GTF3C2: variants seen among roughly 807,000 people sequenced by gnomAD.
The protein encoded by GTF3C2 is general transcription factor IIIC subunit 2, also known as general transcription factor 3C polypeptide 2.
Under a neutral mutation model 117.4 loss-of-function variants are expected in GTF3C2, and 17 were observed. The observed-to-expected ratio is 0.14, with a 90% CI of 0.10 to 0.22. GTF3C2 has a LOEUF of 0.22. GTF3C2 is among the 10% of genes least tolerant of loss of function. The pLI is 1.00. For synonymous variants in GTF3C2, 437 were observed against 427.0 expected, an observed-to-expected ratio of 1.02 and a Z score of -0.29; for missense variants, 888 against 1,143.6, an observed-to-expected ratio of 0.78 and a Z score of 3.22.
At chr2:27,334,222 C>T (rs1680377050) in intron 10 of GTF3C2, among the ~76,000 whole-genome samples, 1 of 151,568 alleles carries the variant, frequency 6.6e-6, no homozygotes, top group African/African-American at 2.4e-5. Flanking sequence ...TTCCTTTAGA[C>T]CTCCTCTGTG....
chr2:27,337,908 C>A lies in GTF3C2; in HGVS notation c.950+18G>T. On this transcript the variant is annotated intron_variant, in intron 5 of 18. Transcript: ENST00000264720. The stretch of plus-strand genomic sequence containing the variant: ...ACCACCCCTTTATTAACCCCAGCCC[C>A]CTGTCCCCAAGTCTCACAAGTCCTT... 6.8e-7 allele frequency: 1 copy of A among 1,462,680 alleles called. No individual in the cohort carries two copies. Among genetic ancestry groups the A allele is most frequent in the Non-Finnish European group, 9.6e-7 (1 of 1,041,354 alleles). 90.6% of individuals were successfully genotyped at this position (1,462,680 alleles called of 1,614,324 possible).
chr2:27,337,606 G>T lies in GTF3C2; in HGVS notation c.951-48C>A, dbSNP rs1052381094. 3 of 1,240,880 alleles carry T rather than the reference G, an allele frequency of 2.4e-6. No homozygotes were observed. The African/African-American group carries it at 4.4e-5, about 18-fold the overall frequency. 76.9% of individuals were successfully genotyped at this position (1,240,880 alleles called of 1,614,324 possible). On this transcript the variant is annotated intron_variant, in intron 5 of 18. Coordinates refer to ENST00000264720, the Ensembl canonical transcript of GTF3C2. ...AATGAAGGAGAGGGATTCTACAGCC[G>T]CACAGTCCAATAAAACTTTCTGTGG...
intron 1 of GTF3C2, among the ~76,000 whole-genome samples, chr2:27,350,841 C>T (rs540914513): frequency 3.3e-5 from 5 of 150,624 alleles, no homozygotes; most frequent in East Asian, 3.9e-4. Context: ...CCCAGCTACT[C>T]GGGAGGCTGA....
chr2:27,348,034 G>T (rs532656773), intron 1 of GTF3C2, among the ~76,000 whole-genome samples: 16 of 152,286 alleles, frequency 1.1e-4, no homozygotes, highest in Non-Finnish European at 2.1e-4. Flanking sequence ...ACTTTAGGAG[G>T]CCCGGACGGG....
At chr2:27,354,758 T>C (rs1011740625) in intron 1 of GTF3C2, among the ~76,000 whole-genome samples, 1 of 151,964 alleles carries the variant, frequency 6.6e-6, no homozygotes, top group East Asian at 1.9e-4. Flanking sequence ...AAGATTCCGG[T>C]TTTTTTTAAA....
exon 19 of GTF3C2, chr2:27,326,844 C>T: frequency 6.2e-7 from 1 of 1,613,856 alleles, no homozygotes; most frequent in Non-Finnish European, 8.5e-7. Context: ...CCCTGACTGC[C>T]CCCCAGATAC....
chr2:27,329,051 C>G lies in GTF3C2; in HGVS notation c.2039+70G>C, dbSNP rs997703408. ...ACTCTCTACCCTCCTCTCCCCACAA[C>G]AATCTGGCATGCTTTGCATTCCAAC... On this transcript the variant is annotated intron_variant, in intron 14 of 18. Coordinates refer to ENST00000264720, the Ensembl canonical transcript of GTF3C2. This position sits in a 1 kb window ranked among gnomAD's most constrained non-coding sequence, Gnocchi z 4.5. 1 of 1,554,544 alleles carries G rather than the reference C, an allele frequency of 6.4e-7. No homozygotes were observed. Among genetic ancestry groups the G allele is most frequent in the Non-Finnish European group, 8.9e-7 (1 of 1,126,778 alleles).
chr2:27,334,940 A>G (rs925157681), intron 10 of GTF3C2, among the ~76,000 whole-genome samples: 4 of 152,170 alleles, frequency 2.6e-5, no homozygotes, highest in African/African-American at 9.7e-5. Context: ...CACCATGCCC[A>G]GCCCCACAGC....
intron 10 of GTF3C2, 125 bp downstream of exon 10, chr2:27,335,473 G>A (rs191669889): frequency 4.2e-6 from 3 of 714,934 alleles, no homozygotes; most frequent in Admixed American, 4.0e-5. Flanking sequence ...CAGGGTGTGT[G>A]TGTGGCTGAG....
intron 12 of GTF3C2, among the ~76,000 whole-genome samples, chr2:27,331,557 C>T (rs1016201599): frequency 5.3e-5 from 8 of 152,046 alleles, no homozygotes; most frequent in African/African-American, 1.9e-4. Context: ...GATCTCTTGA[C>T]CTGGTGATCT....
intron 1 of GTF3C2, among the ~76,000 whole-genome samples, chr2:27,354,180 G>A (rs1681242019): frequency 6.6e-6 from 1 of 152,068 alleles, no homozygotes; most frequent in Non-Finnish European, 1.5e-5. Flanking sequence ...CTATTCGAGA[G>A]GCTGAGGCAG....
chr2:27,346,330 CTTTTTTTTTTTTTTTTTTTTTT>C (rs144256545), intron 1 of GTF3C2, among the ~76,000 whole-genome samples: 1,190 of 64,350 alleles, frequency 0.018, 45 homozygotes, highest in African/African-American at 0.065. Flanking sequence ...ATTCTGATAC[CTTTTTTTTTTTTTTTTTTTTTT>C]TTTTTTTTTT....
At chr2:27,351,873 G>A (rs1018064521) in intron 1 of GTF3C2, among the ~76,000 whole-genome samples, 1 of 151,934 alleles carries the variant, frequency 6.6e-6, no homozygotes. Flanking sequence ...AGTCCCACAC[G>A]CCCCCCATCT....
At chr2:27,345,774 C>T (rs539065144) in intron 1 of GTF3C2, among the ~76,000 whole-genome samples, 40 of 146,218 alleles carry the variant, frequency 2.7e-4, no homozygotes, top group Non-Finnish European at 4.9e-4. Flanking sequence ...AGTGCAGTGG[C>T]GTGATGTCGG....
chr2:27,342,757 CCAA>C, intron 3 of GTF3C2, 66 bp downstream of exon 3: 7 of 1,200,134 alleles, frequency 5.8e-6, no homozygotes, highest in Non-Finnish European at 8.4e-6. Flanking sequence ...TCTTCTCTCT[CCAA>C]CATCTGCCCC....
At chr2:27,334,322 C>T (rs1443822391) in intron 10 of GTF3C2, among the ~76,000 whole-genome samples, 1 of 152,072 alleles carries the variant, frequency 6.6e-6, no homozygotes, top group Non-Finnish European at 1.5e-5. Context: ...CTTTTCATCA[C>T]CAAATTTATG....
intron 1 of GTF3C2, among the ~76,000 whole-genome samples, chr2:27,345,253 A>G (rs1680877126): frequency 6.6e-6 from 1 of 151,162 alleles, no homozygotes; most frequent in East Asian, 2.0e-4. Flanking sequence ...CTGGGCAACA[A>G]AGCAACACCG....
chr2:27,337,185 T>C, intron 7 of GTF3C2, 59 bp downstream of exon 7: 1 of 983,074 alleles, frequency 1.0e-6, no homozygotes, highest in Middle Eastern at 2.2e-4. Context: ...CTTTCAACAT[T>C]CATTTTTCTT....
At chr2:27,349,139 ATTTGATTTTTTTT>A (rs1337700425) in intron 1 of GTF3C2, among the ~76,000 whole-genome samples, 1 of 126,292 alleles carries the variant, frequency 7.9e-6, no homozygotes, top group Non-Finnish European at 1.7e-5. Context: ...GCCCAGCCTG[ATTTGATTTTTTTT>A]TTTTTTTTTT....
Sources: gnomAD v4.1 joint callset for allele counts (sites outside exome capture counted in the v4.1 genomes callset) on GRCh38, gnomAD v4.1.1 for gene constraint, Gnocchi (gnomAD v3.1) non-coding constraint, MANE v1.5 for transcripts, NCBI Gene and HGNC (gene_info 2026-07-23, HGNC 2026-07-21) for gene names.